VWA7: variants seen among roughly 807,000 people sequenced by gnomAD.
The protein encoded by VWA7 is von Willebrand factor A domain containing 7.
VWA7 carries 66 observed loss-of-function variants against 83.1 expected under a neutral mutation model. That is an observed-to-expected ratio of 0.79 (90% CI 0.65 to 0.98). The LOEUF is 0.98. Among genes scored for constraint, VWA7 ranks in the 50% least tolerant of loss-of-function variants. The probability of loss-of-function intolerance (pLI) is 0.00; values close to 1 mark genes in which losing one functional copy is unlikely to be tolerated. For synonymous variants in VWA7, 424 were observed against 488.5 expected (o/e 0.87, Z 1.74); for missense variants, 1,080 against 1,160.2 (o/e 0.93, Z 1.00).
chr6:31,767,636 A>G lies in VWA7; in HGVS notation c.1622T>C (p.Ile541Thr), dbSNP rs1368805519. The change falls in exon 11 of 17, where the codon ATC becomes ACC. Residue 541 changes from isoleucine (I) to threonine (T), a missense_variant. Transcript: ENST00000375688. ...RIHGDISSFW[I>T]KNPAGVSQGQ... is the part of the protein sequence containing the mutation. ...TTCAGAGGTACCTGCAGGGTTCTTG[A>G]TCCAGAAGCTGCTGATGTCTCCGTG... 2.5e-6 allele frequency: 4 copies of G among 1,612,292 alleles called. No homozygotes were observed. The highest frequency in any genetic ancestry group is 2.7e-5 in the African/African-American group (2 of 74,828).
At chr6:31,772,584 C>CTTTTTTTTTTTTTTTT (rs9279415) in intron 7 of VWA7, among the ~76,000 whole-genome samples, 2 of 35,074 alleles carry the variant, frequency 5.7e-5, no homozygotes, top group Non-Finnish European at 9.4e-5. Flanking sequence ...TCTTTCTTTT[C>CTTTTTTTTTTTTTTTT]TTTTTTTTTT....
rs1690431406 is a variant in VWA7 at position 31,776,452 on chromosome 6, G to A, written c.234+94C>T. ...TTGCTGCAGGGGTGGGGCCATGGGT[G>A]TCTCTTCTCTTGGCAACCAGAGCCC... On this transcript the variant is annotated intron_variant, in intron 2 of 16. Transcript: ENST00000375688. This position sits in a 1 kb window ranked among gnomAD's most constrained non-coding sequence, Gnocchi z 6.2. 2.3e-6 allele frequency: 3 copies of A among 1,283,372 alleles called. No homozygotes were observed. The South Asian group carries it at 4.5e-5, about 19-fold the overall frequency. 79.5% of individuals were successfully genotyped at this position (1,283,372 alleles called of 1,614,324 possible).
chr6:31,775,367 G>A lies in VWA7; in HGVS notation c.576C>T (p.Leu192=). The A allele has an allele frequency of 1.2e-6, 2 of 1,612,760 alleles. No homozygotes were observed. The highest frequency in any genetic ancestry group is 1.7e-6 in the Non-Finnish European group (2 of 1,179,850). The part of the protein sequence containing the change: ...LGEQQPHPHL[L]WPRQELQNLA... The stretch of plus-strand genomic sequence containing the variant: ...GGTTCTGGAGCTCCTGCCTTGGCCA[G>A]AGGAGGTGAGGGTGTGGCTGCTGCT... Residue 192 remains leucine, a synonymous_variant, in exon 4 of 17, where the codon CTC becomes CTT. Transcript: ENST00000375688. This position sits in a 1 kb window ranked among gnomAD's most constrained non-coding sequence, Gnocchi z 5.9.
chr6:31,767,646 T>C lies in VWA7; in HGVS notation c.1612A>G (p.Ser538Gly), dbSNP rs1811748554. 3 of 1,613,080 alleles carry C rather than the reference T, an allele frequency of 1.9e-6. No individual in the cohort carries two copies. Among genetic ancestry groups the C allele is most frequent in the African/African-American group, 2.7e-5 (2 of 74,890 alleles). Residue 538 changes from serine to glycine, a missense_variant, in exon 11 of 17, where the codon AGC becomes GGC. Physicochemically the swap from Ser to Gly is moderately conservative, Grantham distance 56. Coordinates refer to ENST00000375688, the MANE Select transcript of VWA7 (RefSeq NM_025258.3). Reference protein sequence around the residue: ...ITVRIHGDISSFWIKNPAGVS... With the variant: ...ITVRIHGDISGFWIKNPAGVS... ...CCTGCAGGGTTCTTGATCCAGAAGC[T>C]GCTGATGTCTCCGTGGATCCGGACT...
At position 31,773,082 on chromosome 6, in the gene VWA7, A is replaced by C. The variant is rs753895486; in HGVS notation, c.959T>G (p.Leu320Arg). The change falls in exon 7 of 17, where the codon CTG becomes CGG. Residue 320 changes from leucine (L) to arginine (R), a missense_variant. Leu to Arg is a moderately radical substitution (Grantham distance 102). Coordinates refer to ENST00000375688, the MANE Select transcript of VWA7 (RefSeq NM_025258.3). The surrounding 1 kb of genome is among the most constrained non-coding windows in gnomAD (Gnocchi z 5.3). Reference protein sequence around the residue: ...ITPASSLSFVLDTTGSMGEEI... With the variant: ...ITPASSLSFVRDTTGSMGEEI... ...CTCACCCATGCTGCCCGTGGTGTCC[A>C]GGACAAAGCTCAGGCTGGAGGCTGG... The C allele has an allele frequency of 1.2e-6, 2 of 1,612,276 alleles. No homozygotes were observed. Among genetic ancestry groups the C allele is most frequent in the South Asian group, 2.2e-5 (2 of 90,890 alleles).
chr6:31,774,460 T>A (rs929123473), intron 5 of VWA7, 56 bp downstream of exon 5: 1 of 1,522,504 alleles, frequency 6.6e-7, no homozygotes, highest in East Asian at 2.3e-5. Context: ...AGGACAGAGA[T>A]CCTGTAAGGG....
In VWA7 at chr6:31,772,934, CCTAGCCAGA is replaced by C; in HGVS notation, c.1087+11_1087+19del. Reference sequence around the variant, plus strand: ...CTTGAATTTTCCTCCCCTCTACTGTCCTAGCCAGACCACACTTACCTGGGTCATGAAAAG... The same window carrying C: ...CTTGAATTTTCCTCCCCTCTACTGTCCCACACTTACCTGGGTCATGAAAAG... On this transcript the variant is annotated intron_variant, in intron 7 of 16. Transcript: ENST00000375688. 6.2e-7 allele frequency: 1 copy of C among 1,606,608 alleles called. No individual in the cohort carries two copies. Among genetic ancestry groups the C allele is most frequent in the South Asian group, 1.1e-5 (1 of 90,838 alleles).
At position 31,776,377 on chromosome 6, in the gene VWA7, T is replaced by G; in HGVS notation, c.235-135A>C. On this transcript the variant is annotated intron_variant, in intron 2 of 16. Coordinates refer to ENST00000375688, the MANE Select transcript of VWA7 (RefSeq NM_025258.3). This position sits in a 1 kb window ranked among gnomAD's most constrained non-coding sequence, Gnocchi z 6.2. ...CACAAAGGAGGGACAGTCCCGGACC[T>G]TTCTAAGGAGGGGGACTCCTAATTT... The G allele has an allele frequency of 7.4e-7, 1 of 1,352,312 alleles. No homozygotes were observed. Among genetic ancestry groups the G allele is most frequent in the Non-Finnish European group, 9.9e-7 (1 of 1,005,902 alleles). 83.8% of individuals were successfully genotyped at this position (1,352,312 alleles called of 1,614,324 possible).
chr6:31,770,067 T>A lies in VWA7; in HGVS notation c.1134A>T (p.Gln378His), dbSNP rs760377843. ...FTTSDPDSFWQQLNEIHALGG... is the reference protein window; with the variant it reads ...FTTSDPDSFWHQLNEIHALGG... ...CCAAGGCATGGATCTCATTAAGCTGTTGCCAGAAGCTGTCAGGGTCACTGG... is the reference window on the plus strand; with the variant it reads ...CCAAGGCATGGATCTCATTAAGCTGATGCCAGAAGCTGTCAGGGTCACTGG... The change falls in exon 8 of 17, where the codon CAA becomes CAT. Residue 378 changes from glutamine (Q) to histidine (H), a missense_variant. Coordinates refer to ENST00000375688, the MANE Select transcript of VWA7 (RefSeq NM_025258.3). 3 of 1,612,850 alleles carry A rather than the reference T, an allele frequency of 1.9e-6. No homozygotes were observed. Among genetic ancestry groups the A allele is most frequent in the Middle Eastern group, 1.6e-4 (1 of 6,062 alleles).
At position 31,776,742 on chromosome 6, in the gene VWA7, G is replaced by GA; in HGVS notation, c.37_38insT (p.Pro13LeufsTer38). 1.4e-6 allele frequency: 2 copies of GA among 1,463,518 alleles called. No individual in the cohort carries two copies. Among genetic ancestry groups the GA allele is most frequent in the Non-Finnish European group, 1.8e-6 (2 of 1,101,812 alleles). The allele number at this position is 1,463,518 out of a possible 1,614,324, so 90.7% of individuals were successfully genotyped here. A position where few individuals can be genotyped will look rare whatever the true frequency, so the allele number is the denominator to read the frequency against. On this transcript the variant is annotated frameshift_variant, in exon 2 of 17. Transcript: ENST00000375688. LOFTEE classifies it high-confidence loss of function. This position sits in a 1 kb window ranked among gnomAD's most constrained non-coding sequence, Gnocchi z 6.2. ...CAGCTGCAGCAGAAGCAACGCTGAGGGGCCCGGGTGGGATTGGGGGACCTC... is the reference window on the plus strand; with the variant it reads ...CAGCTGCAGCAGAAGCAACGCTGAGGAGGCCCGGGTGGGATTGGGGGACCTC...
rs953418986 is a variant in VWA7 at position 31,777,211 on chromosome 6, C to T, written c.-118G>A. 7.5e-6 allele frequency: 3 copies of T among 402,306 alleles called. No homozygotes were observed. The highest frequency in any genetic ancestry group is 6.1e-5 in the African/African-American group (3 of 49,456). 24.9% of individuals were successfully genotyped at this position (402,306 alleles called of 1,614,324 possible). On this transcript the variant is annotated 5_prime_UTR_variant, in exon 1 of 17. Coordinates refer to ENST00000375688, the MANE Select transcript of VWA7 (RefSeq NM_025258.3). The surrounding 1 kb of genome is among the most constrained non-coding windows in gnomAD (Gnocchi z 5.8). Reference sequence around the variant, plus strand: ...GAGGCTCAGCAGAGGGGGAGGAAGGCCTCAACAGGGTGGGGGAGGACAGGC... The same window carrying T: ...GAGGCTCAGCAGAGGGGGAGGAAGGTCTCAACAGGGTGGGGGAGGACAGGC...
chr6:31,773,292 G>T lies in VWA7; in HGVS notation c.867C>A (p.Ile289=). 6.2e-7 allele frequency: 1 copy of T among 1,608,716 alleles called. No homozygotes were observed. The highest frequency in any genetic ancestry group is 8.5e-7 in the Non-Finnish European group (1 of 1,177,776). Residue 289 remains isoleucine, a synonymous_variant, in exon 6 of 17, where the codon ATC becomes ATA. Transcript: ENST00000375688. This position sits in a 1 kb window ranked among gnomAD's most constrained non-coding sequence, Gnocchi z 5.3. ...QAAKLALLAS[I]QAFSLLRSRL... is the part of the protein sequence containing the mutation. ...GGCTTCGCAGAAGGCTGAAGGCCTG[G>T]ATGGAGGCTAGAAGGGCCAGTTTTG...
rs1468306635 is a variant in VWA7, at chr6:31,773,613, G to A, written c.722-176C>T. On this transcript the variant is annotated intron_variant, in intron 5 of 16. Transcript: ENST00000375688. The surrounding 1 kb of genome is among the most constrained non-coding windows in gnomAD (Gnocchi z 5.3). ...TGGAATCCCAGCGCTTTGGGAGGCCGAGGCCGGCAGATCATCTGAGATCAG... is the reference window on the plus strand; with the variant it reads ...TGGAATCCCAGCGCTTTGGGAGGCCAAGGCCGGCAGATCATCTGAGATCAG... 1.3e-5 allele frequency among the ~76,000 whole-genome samples: 2 copies of A among 152,198 alleles called. No individual in the cohort carries two copies. The highest frequency in any genetic ancestry group is 2.1e-4 in the South Asian group (1 of 4,832).
chr6:31,769,796 C>T lies in VWA7; in HGVS notation c.1201-5G>A. ...AGGTGTGTGCAGCAGGGCCAGCTGG[C>T]AGGGAAGGCAACGACCAGTGTTAAC... On this transcript the variant is annotated splice_polypyrimidine_tract_variant and splice_region_variant and intron_variant, in intron 8 of 16. Transcript: ENST00000375688. The surrounding 1 kb of genome is among the most constrained non-coding windows in gnomAD (Gnocchi z 4.5). The T allele has an allele frequency of 6.2e-7, 1 of 1,612,276 alleles. No individual in the cohort carries two copies.
chr6:31,767,463 C>T lies in VWA7; in HGVS notation c.1688G>A (p.Arg563His), dbSNP rs371873796. 1.5e-4 allele frequency: 243 copies of T among 1,612,918 alleles called. 5 individuals carry two copies. In the South Asian group the frequency reaches 2.0e-3, roughly 13 times the overall value. ...GGTCACCATCCAGAACTGCCCAAAG[C>T]GGCGAGTGTGACCTAGAGGACCCCC... The part of the protein sequence containing the change: ...EGGGPLGHTR[R>H]FGQFWMVTMD... The change falls in exon 12 of 17, where the codon CGC (arginine) becomes CAC (histidine). Residue 563 changes from arginine to histidine, a missense_variant. Coordinates refer to ENST00000375688, the MANE Select transcript of VWA7 (RefSeq NM_025258.3).
chr6:31,775,448 G>T lies in VWA7; in HGVS notation c.514-19C>A. On this transcript the variant is annotated intron_variant, in intron 3 of 16. Coordinates refer to ENST00000375688, the MANE Select transcript of VWA7 (RefSeq NM_025258.3). The surrounding 1 kb of genome is among the most constrained non-coding windows in gnomAD (Gnocchi z 5.9). The stretch of plus-strand genomic sequence containing the variant: ...AGAAATCCTGGTCCGGAGGACAGGA[G>T]AAGGGGAGTGAGGCACTAGTCTGGC... 6.2e-7 allele frequency: 1 copy of T among 1,603,922 alleles called. No homozygotes were observed. The highest frequency in any genetic ancestry group is 8.5e-7 in the Non-Finnish European group (1 of 1,173,820).
In VWA7 at chr6:31,769,550, C is replaced by G; in HGVS notation, c.1317+125G>C. 1 of 857,870 alleles carries G rather than the reference C, an allele frequency of 1.2e-6. No individual in the cohort carries two copies. The highest frequency in any genetic ancestry group is 1.9e-6 in the Non-Finnish European group (1 of 525,726). 53.1% of individuals were successfully genotyped at this position (857,870 alleles called of 1,614,324 possible). A position where few individuals can be genotyped will look rare whatever the true frequency, so the allele number is the denominator to read the frequency against. On this transcript the variant is annotated intron_variant, in intron 9 of 16. Coordinates refer to ENST00000375688, the MANE Select transcript of VWA7 (RefSeq NM_025258.3). The surrounding 1 kb of genome is among the most constrained non-coding windows in gnomAD (Gnocchi z 4.5). ...AATGTTCCACTCATTGTCTGCTTCTCCCACCATATACCAAGGCTTGTTGGG... is the reference window on the plus strand; with the variant it reads ...AATGTTCCACTCATTGTCTGCTTCTGCCACCATATACCAAGGCTTGTTGGG...
rs139774402 is a variant in VWA7, at chr6:31,772,991, C to T, written c.1050G>A (p.Glu350=). ...LVEQRRGSPM[E]PVHYVLVPFH... ...AAGGCACCAGGACATAGTGGACAGGCTCCATGGGGCTGCCTCTCCGCTGCT... is the reference window on the plus strand; with the variant it reads ...AAGGCACCAGGACATAGTGGACAGGTTCCATGGGGCTGCCTCTCCGCTGCT... Residue 350 remains glutamate (E), a synonymous_variant, in exon 7 of 17, where the codon GAG becomes GAA. Transcript: ENST00000375688. 140 of 1,612,662 alleles carry T rather than the reference C, an allele frequency of 8.7e-5. No individual in the cohort carries two copies. The African/African-American group carries it at 1.7e-3, about 20-fold the overall frequency.
At chr6:31,774,435 G>T in intron 5 of VWA7, 81 bp downstream of exon 5, 1 of 1,330,590 alleles carries the variant, frequency 7.5e-7, no homozygotes. Context: ...CCATAGCAAA[G>T]GCATACGGGC....
Sources: allele counts gnomAD v4.1 joint callset (sites outside exome capture counted in the v4.1 genomes callset), GRCh38; gene constraint gnomAD v4.1.1; non-coding constraint Gnocchi (gnomAD v3.1); transcripts MANE v1.5; gene names NCBI Gene and HGNC (gene_info 2026-07-23, HGNC 2026-07-21).